The following CTNNA2 variants were observed in gnomAD, a reference collection of about 807,000 sequenced individuals.
CTNNA2 encodes catenin alpha-2.
CTNNA2 carries 42 observed loss-of-function variants against 101.0 expected under a neutral mutation model. The ratio of observed to expected loss-of-function variants is 0.42; its 90% CI spans 0.32 to 0.54. The LOEUF (loss-of-function observed/expected upper bound fraction) is 0.54. Among genes scored for constraint, CTNNA2 ranks in the 20% least tolerant of loss-of-function variants. The pLI is 0.14. For synonymous variants in CTNNA2, 450 were observed against 456.4 expected (o/e 0.99, Z 0.18); for missense variants, 871 against 1,223.1 (o/e 0.71, Z 4.29).
At chr2:80,619,408 T>A (rs1670861033) in intron 18 of CTNNA2, among the ~76,000 whole-genome samples, 180 bp downstream of exon 18, 2 of 152,064 alleles carry the variant, frequency 1.3e-5, no homozygotes, top group East Asian at 3.9e-4. Context: ...AGCACAGATA[T>A]ATCTTCAATT....
At chr2:79,243,977 G>C (rs985828613) in intron 2 of CTNNA2, among the ~76,000 whole-genome samples, 14 of 152,088 alleles carry the variant, frequency 9.2e-5, no homozygotes, top group Admixed American at 2.0e-4. Flanking sequence ...TCAGAAAGCA[G>C]GGTCTGAGCA....
intron 4 of CTNNA2, among the ~76,000 whole-genome samples, chr2:79,394,534 TG>T (rs1678209532): frequency 6.6e-6 from 1 of 152,316 alleles, no homozygotes; most frequent in African/African-American, 2.4e-5. Flanking sequence ...CTGAGGACAT[TG>T]GTTTTGGAAA....
chr2:80,264,138 A>C (rs1412815370), intron 7 of CTNNA2, among the ~76,000 whole-genome samples: 4 of 152,150 alleles, frequency 2.6e-5, no homozygotes, highest in Non-Finnish European at 4.4e-5. Context: ...GAAGTGAAAG[A>C]TTGCTTGCTT....
At chr2:80,400,158 G>A (rs543180361) in intron 8 of CTNNA2, among the ~76,000 whole-genome samples, 7 of 152,302 alleles carry the variant, frequency 4.6e-5, no homozygotes, top group African/African-American at 1.7e-4. Flanking sequence ...TTTGCAGTCA[G>A]CTTGTAGCCA....
chr2:80,165,294 C>G (rs1056110738), intron 7 of CTNNA2, among the ~76,000 whole-genome samples: 2 of 149,096 alleles, frequency 1.3e-5, no homozygotes, highest in African/African-American at 5.0e-5. Flanking sequence ...TGATTTTTTT[C>G]TTTCCTTTTT....
chr2:79,617,796 T>G (rs1412717234), intron 1 of CTNNA2, among the ~76,000 whole-genome samples: 1 of 152,170 alleles, frequency 6.6e-6, no homozygotes, highest in Non-Finnish European at 1.5e-5. Flanking sequence ...CCTGAGGCCA[T>G]CAGGTGCCCA....
At chr2:80,545,639 C>T (rs1691992014) in intron 10 of CTNNA2, among the ~76,000 whole-genome samples, 1 of 152,208 alleles carries the variant, frequency 6.6e-6, no homozygotes, top group Non-Finnish European at 1.5e-5. Context: ...TGCATTTCTG[C>T]TGTATCTGTG....
At chr2:80,596,531 C>G (rs1413452498) in intron 15 of CTNNA2, among the ~76,000 whole-genome samples, 1 of 151,572 alleles carries the variant, frequency 6.6e-6, no homozygotes, top group Non-Finnish European at 1.5e-5. Context: ...CCAGGATGGT[C>G]TTGATCTCCT....
At chr2:80,475,503 A>C (rs955475434) in intron 9 of CTNNA2, among the ~76,000 whole-genome samples, 2 of 152,160 alleles carry the variant, frequency 1.3e-5, no homozygotes, top group African/African-American at 2.4e-5. Flanking sequence ...TCAACTACAA[A>C]TATGAGGTCA....
intron 7 of CTNNA2, among the ~76,000 whole-genome samples, chr2:79,976,000 A>G (rs1017447186): frequency 2.6e-5 from 4 of 152,170 alleles, no homozygotes; most frequent in African/African-American, 9.6e-5. Flanking sequence ...TCCTCTAATC[A>G]TGCCTTGGTC....
chr2:80,373,865 G>A (rs535076648), intron 7 of CTNNA2, among the ~76,000 whole-genome samples: 3 of 152,202 alleles, frequency 2.0e-5, no homozygotes, highest in Non-Finnish European at 4.4e-5. Context: ...AGAGCTTTCC[G>A]AGAATTCACA....
chr2:79,931,328 G>T (rs1210196074), intron 7 of CTNNA2, among the ~76,000 whole-genome samples: 3 of 151,916 alleles, frequency 2.0e-5, no homozygotes, highest in African/African-American at 7.3e-5. Flanking sequence ...ATGAAGAATG[G>T]GTTTCTTTTG....
At chr2:79,547,116 G>C (rs2104023663) in intron 1 of CTNNA2, 1 of 152,156 alleles carries the variant, frequency 6.6e-6, no homozygotes, top group South Asian at 2.1e-4. Flanking sequence ...GATCATAATA[G>C]GGTTTAAAAC....
intron 7 of CTNNA2, among the ~76,000 whole-genome samples, chr2:80,090,410 G>C (rs1558797848): frequency 6.6e-6 from 1 of 152,084 alleles, no homozygotes; most frequent in Non-Finnish European, 1.5e-5. Flanking sequence ...ATACAGTACA[G>C]TGAACACAGG....
intron 3 of CTNNA2, among the ~76,000 whole-genome samples, chr2:79,784,796 C>T (rs1674714538): frequency 6.6e-6 from 1 of 151,302 alleles, no homozygotes; most frequent in Non-Finnish European, 1.5e-5. Context: ...GGATGAATCT[C>T]ATAAATGTAA....
At chr2:79,815,299 T>C (rs184534289) in intron 3 of CTNNA2, among the ~76,000 whole-genome samples, 18 of 152,296 alleles carry the variant, frequency 1.2e-4, no homozygotes, top group Admixed American at 1.0e-3. Context: ...TTTATCTTTG[T>C]TTTTATTGCA....
rs1235659095 is a variant in CTNNA2 at position 79,542,051 on chromosome 2, T to C, written c.-6+28844T>C. Among the ~76,000 whole-genome samples, 4 of 152,308 alleles carry C rather than the reference T, an allele frequency of 2.6e-5. No individual in the cohort carries two copies. The South Asian group carries it at 6.2e-4, about 24-fold the overall frequency. ...GCCTTATAATTTCTTTTTTTTTCTCTTTAGCTTTTTAAAAACTAGGCTTTA... is the reference window on the plus strand; with the variant it reads ...GCCTTATAATTTCTTTTTTTTTCTCCTTAGCTTTTTAAAAACTAGGCTTTA... On this transcript the variant is annotated intron_variant, in intron 1 of 18. Transcript: ENST00000402739.
Position 79,457,861 on chromosome 2 carries a change from G to T in CTNNA2, c.-134-47193G>T, listed in dbSNP as rs996009342. ...CTACCTCTCCTTTTACTCTCAACTA[G>T]CATTTCATCCCAGGAGATAGTACCC... is the stretch of plus-strand genomic sequence containing the variant. On this transcript the variant is annotated intron_variant, in intron 4 of 21. Transcript: ENST00000466387. Among the ~76,000 whole-genome samples, 17 of 152,230 alleles carry T rather than the reference G, an allele frequency of 1.1e-4. 1 individual carries two copies. The highest frequency in any genetic ancestry group is 9.8e-4 in the Admixed American group (15 of 15,298).
At chr2:80,328,888 G>A (rs974331107) in intron 7 of CTNNA2, among the ~76,000 whole-genome samples, 2 of 151,940 alleles carry the variant, frequency 1.3e-5, no homozygotes, top group East Asian at 1.9e-4. Context: ...AGTCATTTTC[G>A]CTACTTGATC....
Sources: gnomAD v4.1 joint callset for allele counts (sites outside exome capture counted in the v4.1 genomes callset) on GRCh38, gnomAD v4.1.1 for gene constraint, MANE v1.5 for transcripts, NCBI Gene and HGNC (gene_info 2026-07-23, HGNC 2026-07-21) for gene names.